RNF182: variants seen among roughly 807,000 people sequenced by gnomAD.
The protein encoded by RNF182 is E3 ubiquitin-protein ligase RNF182.
Under a neutral mutation model 14.4 loss-of-function variants are expected in RNF182, and 15 were observed. The ratio of observed to expected loss-of-function variants is 1.04; its 90% CI spans 0.70 to 1.60. RNF182 has a LOEUF of 1.60. Ranked by LOEUF, RNF182 falls within the 40% of genes most tolerant of loss-of-function variation. The pLI is 0.00. For synonymous variants in RNF182, 128 were observed against 122.9 expected (o/e 1.04, Z -0.27); for missense variants, 268 against 294.8 (o/e 0.91, Z 0.67).
At chr6:13,972,304 C>CA (rs1162936847) in intron 1 of RNF182, among the ~76,000 whole-genome samples, 2,189 of 60,820 alleles carry the variant, frequency 0.036, 63 homozygotes, top group East Asian at 0.15. Flanking sequence ...GACTCTGTCT[C>CA]AAAAAAAAAA....
intron 1 of RNF182, among the ~76,000 whole-genome samples, chr6:13,955,235 A>T (rs1428392064): frequency 6.6e-6 from 1 of 152,210 alleles, no homozygotes; most frequent in Non-Finnish European, 1.5e-5. Flanking sequence ...TTACCAGATT[A>T]GATTTGGACC....
At chr6:13,974,569 T>G (rs1760276094) in intron 2 of RNF182, among the ~76,000 whole-genome samples, 1 of 152,160 alleles carries the variant, frequency 6.6e-6, no homozygotes. Flanking sequence ...AGGAAATAAT[T>G]TAGGTTCACA....
intron 1 of RNF182, among the ~76,000 whole-genome samples, chr6:13,971,803 A>G (rs1000654952): frequency 2.6e-5 from 4 of 152,230 alleles, no homozygotes; most frequent in African/African-American, 7.2e-5. Flanking sequence ...GACTCTTGCT[A>G]TGTTTTAGCA....
chr6:13,936,761 T>C (rs748845222), intron 1 of RNF182, among the ~76,000 whole-genome samples: 1 of 152,236 alleles, frequency 6.6e-6, no homozygotes, highest in Non-Finnish European at 1.5e-5. Flanking sequence ...TTGGGAATAA[T>C]TGATGTCTAT....
At chr6:13,942,361 A>G (rs1759319779) in intron 1 of RNF182, among the ~76,000 whole-genome samples, 1 of 152,110 alleles carries the variant, frequency 6.6e-6, no homozygotes, top group African/African-American at 2.4e-5. Context: ...ATTTTTTTTG[A>G]GACAAAATCT....
intron 1 of RNF182, among the ~76,000 whole-genome samples, chr6:13,965,432 G>T (rs1759998932): frequency 6.6e-6 from 1 of 152,148 alleles, no homozygotes; most frequent in Non-Finnish European, 1.5e-5. Context: ...CAAATTTTTT[G>T]AGCTTAAAAA....
chr6:13,972,649 C>T (rs980194461), intron 1 of RNF182, among the ~76,000 whole-genome samples: 1 of 152,218 alleles, frequency 6.6e-6, no homozygotes, highest in Admixed American at 6.5e-5. Flanking sequence ...CCCATGACTT[C>T]AGAGGGTGCA....
rs1222541715 is a variant in RNF182, at chr6:13,977,046, T to G, written c.-74T>G. On this transcript the variant is annotated 5_prime_UTR_variant, in exon 3 of 3. Coordinates refer to ENST00000488300, the MANE Select transcript of RNF182 (RefSeq NM_152737.4). ...GCTGCCAGATTTGGATGATATGATA[T>G]TCAGAGGGGCACCTTAATCAAAGCC... The G allele has an allele frequency of 8.2e-6, 12 of 1,464,334 alleles. No individual in the cohort carries two copies. Among genetic ancestry groups the G allele is most frequent in the Non-Finnish European group, 1.0e-5 (11 of 1,077,314 alleles). 90.7% of individuals were successfully genotyped at this position (1,464,334 alleles called of 1,614,324 possible).
chr6:13,961,231 C>A (rs966306082), intron 1 of RNF182, among the ~76,000 whole-genome samples: 7 of 152,188 alleles, frequency 4.6e-5, no homozygotes, highest in African/African-American at 1.4e-4. Flanking sequence ...ATACTGTGTT[C>A]AATGCATATT....
rs900999538 is a variant in RNF182 at position 13,979,648 on chromosome 6, A to G, written c.*1785A>G. The G allele has an allele frequency of 1.2e-5, 2 of 166,600 alleles. No homozygotes were observed. Among genetic ancestry groups the G allele is most frequent in the African/African-American group, 4.8e-5 (2 of 41,436 alleles). 10.3% of individuals were successfully genotyped at this position (166,600 alleles called of 1,614,324 possible). On this transcript the variant is annotated 3_prime_UTR_variant, in exon 3 of 3. Transcript: ENST00000488300. ...TCCATTTGTGTTTAGAGTAAATACC[A>G]TGTTTAGAAGATGTTTTGTGGTTTG...
At chr6:13,949,348 A>C (rs940632518) in intron 1 of RNF182, 2 of 767,402 alleles carry the variant, frequency 2.6e-6, no homozygotes, top group Admixed American at 3.5e-5. Flanking sequence ...CCTTGCTTCC[A>C]AGTGTCCTGA....
At position 13,938,129 on chromosome 6, in the gene RNF182, A is replaced by C. The variant is rs971578414; in HGVS notation, c.-367+13106A>C. Among the ~76,000 whole-genome samples, 3 of 142,966 alleles carry C rather than the reference A, an allele frequency of 2.1e-5. No homozygotes were observed. In the South Asian group the frequency reaches 6.7e-4, roughly 32 times the overall value. The allele number at this position is 142,966 out of a possible 152,430, so 93.8% of individuals were successfully genotyped here. On this transcript the variant is annotated intron_variant, in intron 1 of 2. Transcript: ENST00000488300. ...CATTCTCCTGCCTCGGTCTCTGCGT[A>C]ACTGGGACTACAGGCGCCCGCCACC...
intron 1 of RNF182, among the ~76,000 whole-genome samples, chr6:13,935,012 G>T (rs930003980): frequency 1.3e-5 from 2 of 152,204 alleles, no homozygotes; most frequent in Non-Finnish European, 2.9e-5. Flanking sequence ...AAGGACTTGG[G>T]TTTTATTCTA....
chr6:13,960,691 G>GCGCA (rs1561784364), intron 1 of RNF182, among the ~76,000 whole-genome samples: 3 of 118,890 alleles, frequency 2.5e-5, no homozygotes, highest in Admixed American at 8.3e-5. Context: ...GTGTGTGTGT[G>GCGCA]TGCGCGCGTG....
At position 13,958,056 on chromosome 6, in the gene RNF182, TG is replaced by T. The variant is rs1407216107; in HGVS notation, c.-366-16153del. ...GATGCTATGACTTATAAGTCTTTTATGTTTTTTTTAATGTTTATAGATTTCT... is the reference window on the plus strand; with the variant it reads ...GATGCTATGACTTATAAGTCTTTTATTTTTTTTTAATGTTTATAGATTTCT... On this transcript the variant is annotated intron_variant, in intron 1 of 2. Transcript: ENST00000488300. Among the ~76,000 whole-genome samples the T allele has an allele frequency of 4.6e-5, 7 of 152,134 alleles. No individual in the cohort carries two copies. The East Asian group carries it at 5.8e-4, about 13-fold the overall frequency.
intron 1 of RNF182, among the ~76,000 whole-genome samples, chr6:13,963,573 T>C (rs910134558): frequency 1.3e-5 from 2 of 152,212 alleles, no homozygotes; most frequent in African/African-American, 4.8e-5. Flanking sequence ...TGGTCTCTAA[T>C]GGTCTCACAT....
chr6:13,977,594 G>T lies in RNF182; in HGVS notation c.475G>T (p.Asp159Tyr). The change falls in exon 3 of 3, where the codon GAC (aspartate) becomes TAC (tyrosine). Residue 159 changes from aspartate to tyrosine, a missense_variant. Physicochemically the swap from Asp to Tyr is radical, Grantham distance 160 (BLOSUM62 -3). Transcript: ENST00000488300. ...VVEFYRPASF[D>Y]SVTTVSHNWT... is the part of the protein sequence containing the mutation. ...AGAATTTTATAGGCCTGCGAGTTTC[G>T]ACTCTGTCACCACTGTGTCACACAA... 1.9e-6 allele frequency: 3 copies of T among 1,614,110 alleles called. No homozygotes were observed. The South Asian group carries it at 3.3e-5, about 18-fold the overall frequency.
intron 1 of RNF182, among the ~76,000 whole-genome samples, chr6:13,937,195 A>C (rs569533071): frequency 1.3e-5 from 2 of 152,214 alleles, no homozygotes; most frequent in Non-Finnish European, 2.9e-5. Context: ...TACATATAGA[A>C]AAGTGCACGA....
At position 13,931,652 on chromosome 6, in the gene RNF182, T is replaced by TC. The variant is rs72070613; in HGVS notation, c.-367+6629_-367+6630insC. On this transcript the variant is annotated intron_variant, in intron 1 of 2. Transcript: ENST00000488300. The stretch of plus-strand genomic sequence containing the variant: ...TAGATCACTGTGACCTTTTTTTCTC[T>TC]TTTTTTTTTAATGTTCAAGGCCAGT... Among the ~76,000 whole-genome samples the TC allele has an allele frequency of 2.9e-3, 232 of 80,108 alleles. 1 individual carries two copies. Among genetic ancestry groups the TC allele is most frequent in the Middle Eastern group, 5.3e-3 (1 of 190 alleles). The allele number at this position is 80,108 out of a possible 152,430, so 52.6% of individuals were successfully genotyped here.
Sources: allele counts gnomAD v4.1 joint callset (sites outside exome capture counted in the v4.1 genomes callset), GRCh38; gene constraint gnomAD v4.1.1; transcripts MANE v1.5; gene names NCBI Gene and HGNC (gene_info 2026-07-23, HGNC 2026-07-21).